The following PIAS2 variants were observed in gnomAD, a reference collection of about 807,000 sequenced individuals.
PIAS2 encodes the protein protein inhibitor of activated STAT 2.
Under a neutral mutation model 69.7 loss-of-function variants are expected in PIAS2, and 19 were observed. That is an observed-to-expected ratio of 0.27 (90% CI 0.19 to 0.40). The LOEUF (loss-of-function observed/expected upper bound fraction) is 0.40. PIAS2 is among the 10% of genes least tolerant of loss of function. The pLI is 1.00. For synonymous variants in PIAS2, 261 were observed against 263.2 expected (o/e 0.99, Z 0.08); for missense variants, 624 against 757.0 (o/e 0.82, Z 2.06).
intron 2 of PIAS2, among the ~76,000 whole-genome samples, chr18:46,866,588 T>C (rs974248585): frequency 1.3e-5 from 2 of 152,174 alleles, no homozygotes; most frequent in East Asian, 3.8e-4. Flanking sequence ...ATACAGTAAA[T>C]AAGCATAAAT....
Position 46,854,166 on chromosome 18 carries a change from C to T in PIAS2, c.726+1179G>A, listed in dbSNP as rs116424627. On this transcript the variant is annotated intron_variant, in intron 5 of 13. Coordinates refer to ENST00000585916, the MANE Select transcript of PIAS2 (RefSeq NM_004671.5). ...CCACAAGACCAGGGTCAGTCTCAGT[C>T]ATGGAATTTCTTCACTTTGGGGCCC... Among the ~76,000 whole-genome samples the T allele has an allele frequency of 6.3e-3, 957 of 152,314 alleles. 7 individuals carry two copies. The highest frequency in any genetic ancestry group is 0.022 in the African/African-American group (899 of 41,568).
At chr18:46,894,888 C>T (rs762955146) in intron 1 of PIAS2, among the ~76,000 whole-genome samples, 12 of 151,232 alleles carry the variant, frequency 7.9e-5, no homozygotes, top group South Asian at 2.1e-4. Context: ...CTGACCAACA[C>T]GGTGAAACCC....
At chr18:46,823,548 G>T (rs2042434184) in intron 11 of PIAS2, among the ~76,000 whole-genome samples, 1 of 152,166 alleles carries the variant, frequency 6.6e-6, no homozygotes, top group Non-Finnish European at 1.5e-5. Context: ...AACTGTACGT[G>T]TCCTGTCACT....
upstream of PIAS2, chr18:46,917,720 G>C (rs138641733): frequency 7.5e-3 from 2,055 of 272,410 alleles, 43 homozygotes; most frequent in African/African-American, 0.045. Context: ...GGACTGCCTA[G>C]AGCTGGGTCG....
intron 1 of PIAS2, among the ~76,000 whole-genome samples, chr18:46,900,549 C>CA (rs1048351605): frequency 6.6e-6 from 1 of 151,468 alleles, no homozygotes; most frequent in Non-Finnish European, 1.5e-5. Flanking sequence ...TGGTGGTGCT[C>CA]AACTGTAGTC....
intron 1 of PIAS2, chr18:46,907,864 C>T (rs969826483): frequency 6.6e-6 from 1 of 152,092 alleles, no homozygotes; most frequent in Admixed American, 6.6e-5. Context: ...CCCCCAGGTA[C>T]ACCAAGGGGC....
At chr18:46,908,723 A>G (rs761672018) in intron 1 of PIAS2, among the ~76,000 whole-genome samples, 2 of 152,218 alleles carry the variant, frequency 1.3e-5, no homozygotes, top group Admixed American at 6.5e-5. Context: ...CAAAAAACGC[A>G]TAAGGCTGGA....
In PIAS2 at chr18:46,829,883, G is replaced by A; in HGVS notation, c.1203-16C>T. 6.2e-7 allele frequency: 1 copy of A among 1,608,558 alleles called. No individual in the cohort carries two copies. The highest frequency in any genetic ancestry group is 8.5e-7 in the Non-Finnish European group (1 of 1,177,260). On this transcript the variant is annotated splice_polypyrimidine_tract_variant and intron_variant, in intron 9 of 13. Coordinates refer to ENST00000585916, the MANE Select transcript of PIAS2 (RefSeq NM_004671.5). ...CATAAAAAGCCTAAAAAACAATTAA[G>A]AAGTACATACATGTGATCAACAGCT...
chr18:46,855,997 G>GTTTTTTTTTTTTTT (rs1171297653), intron 3 of PIAS2, among the ~76,000 whole-genome samples: 7 of 67,964 alleles, frequency 1.0e-4, no homozygotes, highest in South Asian at 6.6e-4. Flanking sequence ...TTTTTCTTTT[G>GTTTTTTTTTTTTTT]TTTTTTTTTT....
At chr18:46,855,103 T>TAAAAAA (rs59957336) in intron 5 of PIAS2, among the ~76,000 whole-genome samples, 978 of 76,310 alleles carry the variant, frequency 0.013, 43 homozygotes, top group African/African-American at 0.048. Context: ...CTTGTCTCTT[T>TAAAAAA]AAAAAAAAAA....
Position 46,806,185 on chromosome 18 carries a change from T to G in PIAS2, c.*6248A>C, listed in dbSNP as rs1404100039. 6.6e-6 allele frequency: 1 copy of G among 152,000 alleles called. No homozygotes were observed. Among genetic ancestry groups the G allele is most frequent in the Non-Finnish European group, 1.5e-5 (1 of 68,004 alleles). The allele number at this position is 152,000 out of a possible 1,614,324, so 9.4% of individuals were successfully genotyped here. On this transcript the variant is annotated 3_prime_UTR_variant, in exon 14 of 14. Coordinates refer to ENST00000585916, the MANE Select transcript of PIAS2 (RefSeq NM_004671.5). The stretch of plus-strand genomic sequence containing the variant: ...CACTTCAGTTTACGCAGAGAGCTTT[T>G]GGGGTAAGTCTAGGTCAGACTCCCA...
At chr18:46,894,772 T>G (rs2054583307) in intron 1 of PIAS2, among the ~76,000 whole-genome samples, 3 of 151,926 alleles carry the variant, frequency 2.0e-5, no homozygotes, top group Admixed American at 2.0e-4. Flanking sequence ...CCTCATTAGG[T>G]AGAAAATACC....
intron 6 of PIAS2, 39 bp from the exon 7 acceptor site, chr18:46,844,878 G>GATA: frequency 1.3e-6 from 1 of 775,658 alleles, no homozygotes. Context: ...AAAGATGAGA[G>GATA]ATAATATTCT....
intron 2 of PIAS2, among the ~76,000 whole-genome samples, chr18:46,881,156 A>G (rs1180379807): frequency 6.6e-6 from 1 of 152,090 alleles, no homozygotes; most frequent in African/African-American, 2.4e-5. Context: ...GTGTGGAGTT[A>G]GTCCACCTTA....
intron 2 of PIAS2, among the ~76,000 whole-genome samples, chr18:46,884,760 A>G (rs1425424987): frequency 6.6e-6 from 1 of 152,096 alleles, no homozygotes; most frequent in African/African-American, 2.4e-5. Context: ...TACTAAAAAT[A>G]TAATAAATTA....
rs1356348120 is a variant in PIAS2, at chr18:46,812,233, A to G, written c.*200T>C. The G allele has an allele frequency of 4.0e-6, 2 of 502,820 alleles. No homozygotes were observed. Among genetic ancestry groups the G allele is most frequent in the East Asian group, 3.0e-5 (1 of 32,926 alleles). The allele number at this position is 502,820 out of a possible 1,614,324, so 31.1% of individuals were successfully genotyped here. ...ATGTATCTGATGCTGAGAGTACAGC[A>G]TAATTAAGAAAAATCCTTGCATGTC... On this transcript the variant is annotated 3_prime_UTR_variant, in exon 14 of 14. Coordinates refer to ENST00000585916, the MANE Select transcript of PIAS2 (RefSeq NM_004671.5).
intron 5 of PIAS2, chr18:46,852,599 A>G (rs760860833): frequency 1.8e-4 from 27 of 152,246 alleles, no homozygotes; most frequent in Non-Finnish European, 3.1e-4. Flanking sequence ...CTAAGTAACA[A>G]TGCCCCAGAG....
intron 2 of PIAS2, among the ~76,000 whole-genome samples, chr18:46,872,175 C>T (rs1360424611): frequency 6.6e-6 from 1 of 152,158 alleles, no homozygotes. Flanking sequence ...ACGGGTCATG[C>T]TGACTAGTGC....
intron 1 of PIAS2, among the ~76,000 whole-genome samples, chr18:46,904,596 C>T (rs1008874675): frequency 6.6e-6 from 1 of 151,932 alleles, no homozygotes; most frequent in African/African-American, 2.4e-5. Context: ...ACTAAAAATA[C>T]AAAAATTAGC....
Sources: allele counts gnomAD v4.1 joint callset (sites outside exome capture counted in the v4.1 genomes callset), GRCh38; gene constraint gnomAD v4.1.1; transcripts MANE v1.5; gene names NCBI Gene and HGNC (gene_info 2026-07-23, HGNC 2026-07-21).